Variants in PHIP observed in about 807,000 individuals in gnomAD.
The protein encoded by PHIP is PH-interacting protein.
Under a neutral mutation model 236.8 loss-of-function variants are expected in PHIP, and 54 were observed. That is an observed-to-expected ratio of 0.23 (90% CI 0.18 to 0.29). PHIP has a LOEUF of 0.29. PHIP is among the 10% of genes least tolerant of loss of function. The pLI, the probability that PHIP is intolerant of heterozygous loss-of-function variation, is 1.00. For missense variants in PHIP, 1,370 were observed against 2,190.8 expected, an observed-to-expected ratio of 0.63 and a Z score of 7.48; for synonymous variants, 756 against 718.9, an observed-to-expected ratio of 1.05 and a Z score of -0.83.
At chr6:79,003,463 A>G (rs191251729) in intron 16 of PHIP, among the ~76,000 whole-genome samples, 16 of 152,190 alleles carry the variant, frequency 1.1e-4, no homozygotes, top group African/African-American at 3.4e-4. Flanking sequence ...CAAGTTAAGA[A>G]TTCCAATCTA....
intron 7 of PHIP, among the ~76,000 whole-genome samples, chr6:79,038,348 T>C (rs1582265932): frequency 6.6e-6 from 1 of 152,354 alleles, no homozygotes; most frequent in African/African-American, 2.4e-5. Context: ...GAGCCTCTTT[T>C]GTAAGGGCAC....
chr6:79,035,276 G>A (rs1357827384), intron 7 of PHIP, among the ~76,000 whole-genome samples: 3 of 152,130 alleles, frequency 2.0e-5, no homozygotes, highest in African/African-American at 7.2e-5. Flanking sequence ...CTTCTTGGGA[G>A]TTGACTTTCA....
At chr6:79,013,481 A>C (rs1020993881) in intron 15 of PHIP, among the ~76,000 whole-genome samples, 1 of 151,762 alleles carries the variant, frequency 6.6e-6, no homozygotes. Flanking sequence ...CTTATTTAAC[A>C]ATAAACAATT....
chr6:79,029,720 G>C (rs764816651), intron 7 of PHIP, among the ~76,000 whole-genome samples: 2 of 152,072 alleles, frequency 1.3e-5, no homozygotes, highest in Non-Finnish European at 2.9e-5. Context: ...ACTAGAGATG[G>C]GGTTTCGCCC....
rs2127682354 is a variant in PHIP, at chr6:78,946,199, A to C, written c.4432T>G (p.Phe1478Val). Reference protein sequence around the residue: ...QLKSESSTSAFSTPTRSIPPR... With the variant: ...QLKSESSTSAVSTPTRSIPPR... Reference sequence around the variant, plus strand: ...GGTATTGATCGTGTAGGTGTAGAGAATGCAGAGGTAGAGCTTTCTGATTTT... The same window carrying C: ...GGTATTGATCGTGTAGGTGTAGAGACTGCAGAGGTAGAGCTTTCTGATTTT... Residue 1478 changes from phenylalanine to valine, a missense_variant, in exon 38 of 40, where the codon TTC becomes GTC. This residue lies in a region of PHIP where 125 missense variants were observed against 235.1 expected (regional missense o/e 0.53). Transcript: ENST00000275034. The C allele has an allele frequency of 6.2e-7, 1 of 1,613,532 alleles. No individual in the cohort carries two copies. The highest frequency in any genetic ancestry group is 8.5e-7 in the Non-Finnish European group (1 of 1,179,478).
intron 9 of PHIP, among the ~76,000 whole-genome samples, chr6:79,024,627 AC>A (rs1449629743): frequency 2.0e-5 from 3 of 152,006 alleles, no homozygotes; most frequent in Non-Finnish European, 4.4e-5. Context: ...ACACGGTGAA[AC>A]CCTGTCTCTA....
intron 22 of PHIP, among the ~76,000 whole-genome samples, chr6:78,983,743 A>G (rs1169830638): frequency 6.6e-6 from 1 of 152,146 alleles, no homozygotes; most frequent in Non-Finnish European, 1.5e-5. Context: ...TACACCCTAC[A>G]CGTTAGGTGT....
intron 30 of PHIP, 104 bp from the exon 31 acceptor site, chr6:78,961,914 C>A: frequency 2.5e-6 from 2 of 794,256 alleles, no homozygotes; most frequent in South Asian, 3.6e-5. Context: ...TCTACATAAT[C>A]ATTAGTCTGC....
Position 78,982,961 on chromosome 6 carries a change from T to C in PHIP, c.2694A>G (p.Glu898=). ...EKQKQKQIKK[E]KKKVNEEKDG... ...CTTTTTCTTCATTTACTTTTTTCTT[T>C]TCCTTTTTAATCTGTTTTTGCTTCT... Residue 898 remains glutamate, a synonymous_variant, in exon 23 of 40, where the codon GAA becomes GAG. Coordinates refer to ENST00000275034, the MANE Select transcript of PHIP (RefSeq NM_017934.7). The C allele has an allele frequency of 6.2e-7, 1 of 1,605,496 alleles. No individual in the cohort carries two copies. The highest frequency in any genetic ancestry group is 8.5e-7 in the Non-Finnish European group (1 of 1,176,358).
chr6:78,971,834 G>A (rs971010866), intron 24 of PHIP, among the ~76,000 whole-genome samples: 35 of 152,106 alleles, frequency 2.3e-4, no homozygotes, highest in African/African-American at 6.8e-4. Context: ...CTTAAAAAAC[G>A]GCGCACCACG....
At chr6:78,964,232 AT>A (rs1582119838) in intron 29 of PHIP, among the ~76,000 whole-genome samples, 1 of 152,144 alleles carries the variant, frequency 6.6e-6, no homozygotes, top group Non-Finnish European at 1.5e-5. Context: ...ATAAAAAAAA[AT>A]ATATTATTGG....
At chr6:79,025,742 G>T (rs562072492) in intron 8 of PHIP, 123 bp from the exon 9 acceptor site, 30 of 734,242 alleles carry the variant, frequency 4.1e-5, no homozygotes, top group Non-Finnish European at 7.0e-5. Context: ...ATTTACCAAG[G>T]TTATGTTATT....
chr6:79,014,221 C>A (rs1335046026), intron 15 of PHIP, among the ~76,000 whole-genome samples: 1 of 151,652 alleles, frequency 6.6e-6, no homozygotes, highest in East Asian at 1.9e-4. Context: ...GCATCACATT[C>A]GTGTAATTTT....
At chr6:79,056,480 G>C (rs1773078682) in intron 6 of PHIP, among the ~76,000 whole-genome samples, 1 of 152,146 alleles carries the variant, frequency 6.6e-6, no homozygotes, top group African/African-American at 2.4e-5. Context: ...TGGGGGAAAG[G>C]AGGAGGCATG....
rs573408035 is a variant in PHIP at position 79,028,330 on chromosome 6, TA to T, written c.601-2167del. Among the ~76,000 whole-genome samples, 97 of 152,304 alleles carry T rather than the reference TA, an allele frequency of 6.4e-4. 1 individual carries two copies. The South Asian group carries it at 8.1e-3, about 13-fold the overall frequency. On this transcript the variant is annotated intron_variant, in intron 7 of 39. Coordinates refer to ENST00000275034, the MANE Select transcript of PHIP (RefSeq NM_017934.7). ...ATCCTGGCATCAGTGTGAATTAGGCTAAGACAGAAAGGAGACCAGCTGAAAG... is the reference window on the plus strand; with the variant it reads ...ATCCTGGCATCAGTGTGAATTAGGCTAGACAGAAAGGAGACCAGCTGAAAG...
rs979251927 is a variant in PHIP at position 78,999,755 on chromosome 6, G to A, written c.1880-1364C>T. 2.6e-5 allele frequency among the ~76,000 whole-genome samples: 4 copies of A among 151,816 alleles called. No homozygotes were observed. The East Asian group carries it at 5.8e-4, about 22-fold the overall frequency. The stretch of plus-strand genomic sequence containing the variant: ...CTGAAATGAAGTAGTAGTAAGAAAG[G>A]TAAAAGGAAAAAGAAATTACATGTA... On this transcript the variant is annotated intron_variant, in intron 17 of 39. Coordinates refer to ENST00000275034, the MANE Select transcript of PHIP (RefSeq NM_017934.7).
chr6:78,984,811 T>C (rs902450052), intron 22 of PHIP, among the ~76,000 whole-genome samples: 6 of 152,130 alleles, frequency 3.9e-5, no homozygotes, highest in Non-Finnish European at 7.4e-5. Context: ...CTAATCATAA[T>C]TGCCATCCCC....
chr6:78,948,440 T>C (rs1041500604), intron 35 of PHIP, among the ~76,000 whole-genome samples: 2 of 152,190 alleles, frequency 1.3e-5, no homozygotes, highest in Non-Finnish European at 2.9e-5. Context: ...TAATATGGTA[T>C]ATAATTCTAA....
In PHIP at chr6:78,954,873, T is replaced by C; in HGVS notation, c.3994A>G (p.Ile1332Val). The change falls in exon 35 of 40, where the codon ATA (isoleucine) becomes GTA (valine). Residue 1332 changes from isoleucine (I) to valine (V), a missense_variant. Physicochemically the swap from Ile to Val is conservative, Grantham distance 29. Around this residue, in one of 14 missense-constraint regions of PHIP, gnomAD observed 125 missense variants for 235.1 expected, o/e 0.53. Transcript: ENST00000275034. ...KKQCEELLNL[I>V]FQCEDSEPFR... ...GGCTCTGAATCTTCACATTGAAATA[T>C]GAGATTTAACAATTCTTCACACTGT... 3 of 1,580,446 alleles carry C rather than the reference T, an allele frequency of 1.9e-6. No individual in the cohort carries two copies. The highest frequency in any genetic ancestry group is 2.6e-6 in the Non-Finnish European group (3 of 1,163,558).
Sources: allele counts gnomAD v4.1 joint callset (sites outside exome capture counted in the v4.1 genomes callset), GRCh38; gene constraint gnomAD v4.1.1; regional missense constraint gnomAD v4.1.1; transcripts MANE v1.5; gene names NCBI Gene and HGNC (gene_info 2026-07-23, HGNC 2026-07-21).